Variants in HTR2C observed in about 807,000 individuals in gnomAD.
The protein encoded by HTR2C is 5-hydroxytryptamine (serotonin) receptor 2C, G protein-coupled.
HTR2C carries 5 observed loss-of-function variants against 21.0 expected under a neutral mutation model. The ratio of observed to expected loss-of-function variants is 0.24; its 90% CI spans 0.12 to 0.50. The LOEUF (loss-of-function observed/expected upper bound fraction) is 0.50. Ranked by LOEUF, HTR2C falls within the 20% of genes least tolerant of loss-of-function variation. HTR2C has a pLI of 0.98. For synonymous variants in HTR2C, 150 were observed against 145.3 expected, an observed-to-expected ratio of 1.03 and a Z score of -0.23; for missense variants, 271 against 371.2, an observed-to-expected ratio of 0.73 and a Z score of 2.22.
chrX:114,854,938 G>A (rs782087805), intron 5 of HTR2C, among the ~76,000 whole-genome samples: 1 of 111,565 alleles, frequency 9.0e-6, no homozygotes, highest in South Asian at 3.7e-4. Context: ...TCAAAAGAAG[G>A]CATACAAATG....
chrX:114,838,908 T>A (rs2062652209), intron 4 of HTR2C, among the ~76,000 whole-genome samples: 1 of 112,279 alleles, frequency 8.9e-6, no homozygotes, highest in Non-Finnish European at 1.9e-5. Context: ...CTCCACATAG[T>A]GATAATCAGG....
At chrX:114,811,135 T>C (rs782180754) in intron 4 of HTR2C, among the ~76,000 whole-genome samples, 1 of 111,565 alleles carries the variant, frequency 9.0e-6, no homozygotes, top group East Asian at 2.8e-4. Context: ...ACTGCTAAAG[T>C]TGTCTTTCCC....
Position 114,805,854 on chromosome X carries a change from C to CCATATATAG in HTR2C, c.350-42141_350-42140insGCATATATA, listed in dbSNP as rs1569495623. On this transcript the variant is annotated intron_variant, in intron 4 of 5. Coordinates refer to ENST00000276198, the MANE Select transcript of HTR2C (RefSeq NM_000868.4). ...ATATACCATATATACCATATATATA[C>CCATATATAG]CATATATATACCATATATATACACC... is the stretch of plus-strand genomic sequence containing the variant. Among the ~76,000 whole-genome samples, 23 of 90,295 alleles carry CCATATATAG rather than the reference C, an allele frequency of 2.5e-4. No homozygotes were observed. The East Asian group carries it at 7.6e-3, about 30-fold the overall frequency. 78.4% of individuals were successfully genotyped at this position (90,295 alleles called of 115,157 possible). A position where few individuals can be genotyped will look rare whatever the true frequency, so the allele number is the denominator to read the frequency against.
intron 2 of HTR2C, among the ~76,000 whole-genome samples, chrX:114,725,837 G>A (rs1440746453): frequency 4.5e-5 from 5 of 110,871 alleles, no homozygotes; most frequent in African/African-American, 6.5e-5. Context: ...AGGGGTCAGG[G>A]GTCAGGAACC....
rs1556454616 is a variant in HTR2C, at chrX:114,816,675, A to G, written c.350-31328A>G. Among the ~76,000 whole-genome samples, 3 of 110,829 alleles carry G rather than the reference A, an allele frequency of 2.7e-5. No individual in the cohort carries two copies. In the South Asian group the frequency reaches 1.1e-3, roughly 41 times the overall value. On this transcript the variant is annotated intron_variant, in intron 4 of 5. Coordinates refer to ENST00000276198, the MANE Select transcript of HTR2C (RefSeq NM_000868.4). Reference sequence around the variant, plus strand: ...CTTACTATATTACAAAGTAACAACCAGTATAATTATAATAATGTGTGGCTA... The same window carrying G: ...CTTACTATATTACAAAGTAACAACCGGTATAATTATAATAATGTGTGGCTA...
At chrX:114,673,885 T>C (rs1931466287) in intron 2 of HTR2C, among the ~76,000 whole-genome samples, 1 of 111,856 alleles carries the variant, frequency 8.9e-6, no homozygotes, top group African/African-American at 3.2e-5. Flanking sequence ...ATAACTAAAA[T>C]CTTCAGTCTG....
chrX:114,853,229 T>C (rs1412305681), intron 5 of HTR2C, among the ~76,000 whole-genome samples: 2 of 111,478 alleles, frequency 1.8e-5, no homozygotes, highest in Non-Finnish European at 3.8e-5. Flanking sequence ...TTTTTTCTGA[T>C]TTTTTTTCAT....
At chrX:114,771,725 C>T (rs782660091) in intron 4 of HTR2C, among the ~76,000 whole-genome samples, 3 of 112,130 alleles carry the variant, frequency 2.7e-5, no homozygotes, top group African/African-American at 9.7e-5. Flanking sequence ...TAGCCAACTT[C>T]TTGTTTGTTA....
At chrX:114,697,610 A>G (rs1932317797) in intron 2 of HTR2C, among the ~76,000 whole-genome samples, 1 of 112,150 alleles carries the variant, frequency 8.9e-6, no homozygotes, top group Non-Finnish European at 1.9e-5. Context: ...TAGGGAAGAA[A>G]CAGTTTTACC....
chrX:114,749,007 G>C (rs2069731886), intron 4 of HTR2C, among the ~76,000 whole-genome samples: 1 of 111,271 alleles, frequency 9.0e-6, no homozygotes, highest in East Asian at 2.8e-4. Context: ...ATCCTGAATA[G>C]ATAAAGAACT....
chrX:114,893,213 C>G (rs2147529138), intron 5 of HTR2C, among the ~76,000 whole-genome samples: 1 of 110,579 alleles, frequency 9.0e-6, no homozygotes, highest in African/African-American at 3.3e-5. Flanking sequence ...TGTGCCCAGC[C>G]TGATTTTAAA....
At chrX:114,776,117 T>G in intron 4 of HTR2C, 1 of 498,108 alleles carries the variant, frequency 2.0e-6, no homozygotes, top group Admixed American at 2.7e-5. Flanking sequence ...GTCTCCAGAT[T>G]TGACCTCAAA....
At chrX:114,836,500 C>G (rs931406479) in intron 4 of HTR2C, among the ~76,000 whole-genome samples, 4 of 112,035 alleles carry the variant, frequency 3.6e-5, no homozygotes, top group Non-Finnish European at 5.6e-5. Context: ...TTCTTTGACT[C>G]AGAAAGGGAA....
At chrX:114,774,140 A>G (rs2070032580) in intron 4 of HTR2C, among the ~76,000 whole-genome samples, 1 of 112,154 alleles carries the variant, frequency 8.9e-6, no homozygotes, top group South Asian at 3.7e-4. Flanking sequence ...GGGAGTTTAT[A>G]ATATAATTAT....
intron 4 of HTR2C, among the ~76,000 whole-genome samples, chrX:114,801,833 CT>C (rs1260615524): frequency 1.8e-5 from 2 of 110,488 alleles, no homozygotes; most frequent in Non-Finnish European, 3.8e-5. Context: ...AATTATAATC[CT>C]TTAGTTATTT....
intron 2 of HTR2C, among the ~76,000 whole-genome samples, chrX:114,650,058 G>A (rs782058152): frequency 8.0e-5 from 9 of 111,892 alleles, no homozygotes; most frequent in Non-Finnish European, 1.7e-4. Flanking sequence ...TGAGCTTGAC[G>A]TTTCTGTCTA....
intron 2 of HTR2C, among the ~76,000 whole-genome samples, chrX:114,626,657 T>G (rs1353465988): frequency 5.3e-5 from 6 of 112,347 alleles, no homozygotes; most frequent in African/African-American, 1.9e-4. Flanking sequence ...AGTTCATCCC[T>G]TCTCAATATT....
intron 5 of HTR2C, among the ~76,000 whole-genome samples, chrX:114,863,721 A>G (rs1406577705): frequency 9.0e-6 from 1 of 111,382 alleles, no homozygotes; most frequent in Non-Finnish European, 1.9e-5. Flanking sequence ...ATTCATTGTT[A>G]TAAGTGGGAT....
intron 4 of HTR2C, among the ~76,000 whole-genome samples, chrX:114,736,083 A>C (rs1356392294): frequency 9.1e-6 from 1 of 110,097 alleles, no homozygotes; most frequent in Non-Finnish European, 1.9e-5. Flanking sequence ...ACTGCACTCC[A>C]GCCTGGGCGG....
Sources: allele counts gnomAD v4.1 joint callset (sites outside exome capture counted in the v4.1 genomes callset), GRCh38; gene constraint gnomAD v4.1.1; transcripts MANE v1.5; gene names NCBI Gene and HGNC (gene_info 2026-07-23, HGNC 2026-07-21).